Variants in BCAS3 observed in about 807,000 individuals in gnomAD.
BCAS3 encodes the protein BCAS4/BCAS3 fusion.
In BCAS3, 53 loss-of-function variants were observed where a neutral mutation model predicts 116.1. That is an observed-to-expected ratio of 0.46 (90% CI 0.37 to 0.57). BCAS3 has a LOEUF of 0.57. Among genes scored for constraint, BCAS3 ranks in the 20% least tolerant of loss-of-function variants. The pLI, the probability that BCAS3 is intolerant of heterozygous loss-of-function variation, is 0.00. For missense variants in BCAS3, 917 were observed against 1,165.4 expected, an observed-to-expected ratio of 0.79 and a Z score of 3.10; for synonymous variants, 391 against 408.2, an observed-to-expected ratio of 0.96 and a Z score of 0.51.
At chr17:61,148,091 G>T (rs940960962) in intron 22 of BCAS3, among the ~76,000 whole-genome samples, 1 of 152,158 alleles carries the variant, frequency 6.6e-6, no homozygotes, top group Non-Finnish European at 1.5e-5. Flanking sequence ...TTGACAGTAA[G>T]TGCTATAGGA....
At chr17:61,044,465 A>AATATATATAT (rs1555683922) in intron 19 of BCAS3, among the ~76,000 whole-genome samples, 34 of 120,042 alleles carry the variant, frequency 2.8e-4, no homozygotes, top group African/African-American at 1.4e-3. Context: ...AAAAAAAAAA[A>AATATATATAT]ATATATATAT....
At chr17:60,727,057 A>T (rs114470905) in intron 5 of BCAS3, 3 of 263,108 alleles carry the variant, frequency 1.1e-5, no homozygotes, top group African/African-American at 4.5e-5. Flanking sequence ...TTAAAAAAAA[A>T]TTATTTATTT....
chr17:61,092,487 A>G (rs938527035), intron 22 of BCAS3, among the ~76,000 whole-genome samples: 3 of 152,206 alleles, frequency 2.0e-5, no homozygotes, highest in Non-Finnish European at 2.9e-5. Context: ...TTGCATTCCT[A>G]TCAGCAATGC....
chr17:60,816,351 G>A (rs55676611), intron 7 of BCAS3, among the ~76,000 whole-genome samples: 11,249 of 146,982 alleles, frequency 0.077, 1,417 homozygotes, highest in African/African-American at 0.27. Flanking sequence ...CTCAGCTCAC[G>A]GCAACCTCCA....
In BCAS3 at chr17:60,902,688, CA is replaced by C. The variant is rs1418295656; in HGVS notation, c.808del (p.Ile270LeufsTer7). On this transcript the variant is annotated frameshift_variant, in exon 11 of 24. Coordinates refer to ENST00000407086, the MANE Select transcript of BCAS3 (RefSeq NM_017679.5). LOFTEE classifies it high-confidence loss of function. ...DNIQSYTATV[I>X]SAAKTLKSGL... ...ACATTCAGTCTTATACTGCCACAGT[CA>C]TTAGTGCTGCTAAAGTGAGTACCTC... 6.2e-7 allele frequency: 1 copy of C among 1,610,294 alleles called. No homozygotes were observed. Among genetic ancestry groups the C allele is most frequent in the Non-Finnish European group, 8.5e-7 (1 of 1,176,564 alleles).
intron 9 of BCAS3, among the ~76,000 whole-genome samples, chr17:60,885,311 A>G: frequency 7.2e-5 from 1 of 13,842 alleles, no homozygotes; most frequent in Non-Finnish European, 1.5e-4. Context: ...ATCTTCCTCC[A>G]TCCTTTTATT....
In BCAS3 at chr17:60,839,592, C is replaced by T. The variant is rs914325330; in HGVS notation, c.477-28984C>T. Among the ~76,000 whole-genome samples, 4 of 152,100 alleles carry T rather than the reference C, an allele frequency of 2.6e-5. No homozygotes were observed. In the South Asian group the frequency reaches 6.2e-4, roughly 24 times the overall value. ...ACAGGTTTAGCTTTTAATATGGTTACGTTTCCATTTTCTTTTCTTTTTCTT... is the reference window on the plus strand; with the variant it reads ...ACAGGTTTAGCTTTTAATATGGTTATGTTTCCATTTTCTTTTCTTTTTCTT... On this transcript the variant is annotated intron_variant, in intron 7 of 23. Transcript: ENST00000407086.
Position 61,070,520 on chromosome 17 carries a change from A to G in BCAS3, c.2030-4400A>G, listed in dbSNP as rs2071325611. ...AGTTCTATTTGTGTAATTTCAGATG[A>G]TTCAATATCAAAAGGAAGATTCTTC... On this transcript the variant is annotated intron_variant, in intron 19 of 23. Coordinates refer to ENST00000407086, the MANE Select transcript of BCAS3 (RefSeq NM_017679.5). Among the ~76,000 whole-genome samples the G allele has an allele frequency of 2.0e-5, 3 of 151,258 alleles. No homozygotes were observed. The South Asian group carries it at 6.3e-4, about 32-fold the overall frequency.
rs2064878807 is a variant in BCAS3 at position 61,008,543 on chromosome 17, A to G, written c.1487-7208A>G. ...AAGCTACCATTGTATTCTTTGACAG[A>G]GTCAAGAAGTCAGAGCTTTTCAACT... On this transcript the variant is annotated intron_variant, in intron 15 of 23. Coordinates refer to ENST00000407086, the MANE Select transcript of BCAS3 (RefSeq NM_017679.5). This position sits in a 1 kb window ranked among gnomAD's most constrained non-coding sequence, Gnocchi z 4.6. Among the ~76,000 whole-genome samples, 2 of 151,592 alleles carry G rather than the reference A, an allele frequency of 1.3e-5. No homozygotes were observed. Among genetic ancestry groups the G allele is most frequent in the Admixed American group, 1.3e-4 (2 of 15,176 alleles).
intron 4 of BCAS3, among the ~76,000 whole-genome samples, chr17:60,702,764 A>G (rs531623999): frequency 1.3e-5 from 2 of 151,538 alleles, no homozygotes; most frequent in Non-Finnish European, 2.9e-5. Flanking sequence ...TAATTTTTGT[A>G]TTTTTTTGTA....
chr17:61,088,239 G>A lies in BCAS3; in HGVS notation c.2425+3675G>A, dbSNP rs1309439138. Among the ~76,000 whole-genome samples, 4 of 152,116 alleles carry A rather than the reference G, an allele frequency of 2.6e-5. No individual in the cohort carries two copies. In the East Asian group the frequency reaches 5.8e-4, roughly 22 times the overall value. On this transcript the variant is annotated intron_variant, in intron 22 of 23. Coordinates refer to ENST00000407086, the MANE Select transcript of BCAS3 (RefSeq NM_017679.5). The surrounding 1 kb of genome is among the most constrained non-coding windows in gnomAD (Gnocchi z 4.2). Reference sequence around the variant, plus strand: ...ACCATCCTACCTAAAATTTGTGGGGGTTAAATAATTGTAAGATGTTCCATT... The same window carrying A: ...ACCATCCTACCTAAAATTTGTGGGGATTAAATAATTGTAAGATGTTCCATT...
At chr17:60,845,164 G>A (rs2052396174) in intron 7 of BCAS3, among the ~76,000 whole-genome samples, 1 of 152,218 alleles carries the variant, frequency 6.6e-6, no homozygotes, top group Non-Finnish European at 1.5e-5. Context: ...AGGAGGCAGA[G>A]GTTGCAGTGA....
chr17:61,329,513 T>A (rs1275075384), intron 22 of BCAS3, among the ~76,000 whole-genome samples: 1 of 151,918 alleles, frequency 6.6e-6, no homozygotes, highest in Non-Finnish European at 1.5e-5. Context: ...GCTAATTTTT[T>A]GTATTTTTTA....
Position 60,902,686 on chromosome 17 carries a change from G to C in BCAS3, c.805G>C (p.Val269Leu). 6.2e-7 allele frequency: 1 copy of C among 1,610,984 alleles called. No homozygotes were observed. Among genetic ancestry groups the C allele is most frequent in the Non-Finnish European group, 8.5e-7 (1 of 1,177,144 alleles). Residue 269 changes from valine to leucine, a missense_variant, in exon 11 of 24, where the codon GTC (valine) becomes CTC (leucine). Physicochemically the swap from Val to Leu is conservative, Grantham distance 32. Transcript: ENST00000407086. ...CAACATTCAGTCTTATACTGCCACA[G>C]TCATTAGTGCTGCTAAAGTGAGTAC... ...GDNIQSYTATVISAAKTLKSG... is the reference protein window; with the variant it reads ...GDNIQSYTATLISAAKTLKSG...
chr17:60,936,127 T>C (rs7212798), intron 13 of BCAS3, among the ~76,000 whole-genome samples: 43,256 of 149,980 alleles, frequency 0.29, 10,083 homozygotes, highest in African/African-American at 0.66. Context: ...TTTGTCCTTG[T>C]GATAGTTTGC....
intron 7 of BCAS3, chr17:60,810,453 C>G: frequency 4.8e-6 from 3 of 631,490 alleles, no homozygotes; most frequent in Admixed American, 3.8e-5. Flanking sequence ...CCTGCCTGGA[C>G]AGAGCAAGGA....
intron 7 of BCAS3, among the ~76,000 whole-genome samples, chr17:60,825,375 G>T (rs912701793): frequency 9.9e-5 from 15 of 151,272 alleles, no homozygotes; most frequent in African/African-American, 3.6e-4. Context: ...AGGCCACCTT[G>T]TGCTTTCACC....
At chr17:60,902,144 C>T (rs1158445810) in intron 10 of BCAS3, among the ~76,000 whole-genome samples, 1 of 152,132 alleles carries the variant, frequency 6.6e-6, no homozygotes, top group Non-Finnish European at 1.5e-5. Context: ...TAATGCTTTT[C>T]CACTGACACA....
In BCAS3 at chr17:61,044,446, C is replaced by CAAAAA. The variant is rs1223902392; in HGVS notation, c.2029+3570_2029+3574dup. On this transcript the variant is annotated intron_variant, in intron 19 of 23. Transcript: ENST00000407086. The stretch of plus-strand genomic sequence containing the variant: ...TGGGTGACAGAGCGTGACTCTGTCT[C>CAAAAA]AAAAAAAAAAAAAAAAAAAATATAT... Among the ~76,000 whole-genome samples, 7 of 82,816 alleles carry CAAAAA rather than the reference C, an allele frequency of 8.5e-5. 1 individual carries two copies. Among genetic ancestry groups the CAAAAA allele is most frequent in the East Asian group, 4.0e-4 (1 of 2,510 alleles). 54.3% of individuals were successfully genotyped at this position (82,816 alleles called of 152,430 possible).
Sources: allele counts gnomAD v4.1 joint callset (sites outside exome capture counted in the v4.1 genomes callset), GRCh38; gene constraint gnomAD v4.1.1; non-coding constraint Gnocchi (gnomAD v3.1); transcripts MANE v1.5; gene names NCBI Gene and HGNC (gene_info 2026-07-23, HGNC 2026-07-21).